Variants in EPB41L2 observed in about 807,000 individuals in gnomAD.
The protein encoded by EPB41L2 is band 4.1-like protein 2.
Under a neutral mutation model 113.0 loss-of-function variants are expected in EPB41L2, and 43 were observed. That is an observed-to-expected ratio of 0.38 (90% CI 0.30 to 0.49). The LOEUF is 0.49. EPB41L2 is among the 20% of genes least tolerant of loss of function. The pLI is 0.95. For missense variants in EPB41L2, 1,147 were observed against 1,223.4 expected, an observed-to-expected ratio of 0.94 and a Z score of 0.93; for synonymous variants, 442 against 436.7, an observed-to-expected ratio of 1.01 and a Z score of -0.15.
intron 3 of EPB41L2, among the ~76,000 whole-genome samples, chr6:130,949,027 A>G (rs975498390): frequency 1.9e-4 from 29 of 152,202 alleles, no homozygotes; most frequent in African/African-American, 6.8e-4. Context: ...TAATTGTCTG[A>G]CCAAGTGGAC....
At chr6:130,954,139 G>A (rs1014266582) in intron 3 of EPB41L2, among the ~76,000 whole-genome samples, 3 of 130,068 alleles carry the variant, frequency 2.3e-5, no homozygotes, top group African/African-American at 8.7e-5. Flanking sequence ...CACAAGCTCC[G>A]CCTCCCGGGT....
At position 131,058,188 on chromosome 6, in the gene EPB41L2, C is replaced by T. The variant is rs115511720; in HGVS notation, c.-15+4967G>A. On this transcript the variant is annotated intron_variant, in intron 1 of 19. Coordinates refer to ENST00000337057, the MANE Select transcript of EPB41L2 (RefSeq NM_001431.4). Reference sequence around the variant, plus strand: ...GATAACTGAGAATATGAAATTAGCTCAATTGCAATCTTTGAAGAAAAAATA... The same window carrying T: ...GATAACTGAGAATATGAAATTAGCTTAATTGCAATCTTTGAAGAAAAAATA... Among the ~76,000 whole-genome samples, 1,014 of 141,614 alleles carry T rather than the reference C, an allele frequency of 7.2e-3. 20 individuals are homozygous for T. Among genetic ancestry groups the T allele is most frequent in the African/African-American group, 0.026 (979 of 37,726 alleles). 92.9% of individuals were successfully genotyped at this position (141,614 alleles called of 152,430 possible).
chr6:130,935,046 G>T (rs921514165), intron 3 of EPB41L2, among the ~76,000 whole-genome samples: 6 of 152,040 alleles, frequency 3.9e-5, no homozygotes, highest in African/African-American at 9.7e-5. Context: ...CATTCCACAG[G>T]ATTCAAAGGA....
chr6:131,035,134 C>A (rs1007489489), intron 1 of EPB41L2, among the ~76,000 whole-genome samples: 4 of 152,188 alleles, frequency 2.6e-5, no homozygotes, highest in Non-Finnish European at 5.9e-5. Flanking sequence ...TTGGCTAAAA[C>A]AACCAATCTT....
intron 3 of EPB41L2, among the ~76,000 whole-genome samples, chr6:130,927,336 T>C (rs1351148431): frequency 1.3e-5 from 2 of 151,986 alleles, no homozygotes; most frequent in African/African-American, 4.8e-5. Flanking sequence ...TTACCTTGAA[T>C]ATATATATAT....
At chr6:130,900,690 G>C (rs569791402) in intron 7 of EPB41L2, among the ~76,000 whole-genome samples, 3 of 152,274 alleles carry the variant, frequency 2.0e-5, no homozygotes, top group East Asian at 3.9e-4. Flanking sequence ...ATGTGTTAGG[G>C]GGATAGGGAG....
chr6:131,022,164 A>G (rs1044963659), intron 1 of EPB41L2, among the ~76,000 whole-genome samples: 1 of 152,122 alleles, frequency 6.6e-6, no homozygotes, highest in Non-Finnish European at 1.5e-5. Flanking sequence ...TTTCATAAGG[A>G]GTACGCAACC....
chr6:130,911,902 T>C (rs1799526220), intron 4 of EPB41L2, among the ~76,000 whole-genome samples: 1 of 130,620 alleles, frequency 7.7e-6, no homozygotes, highest in Non-Finnish European at 1.5e-5. Flanking sequence ...ACAGGGGTCC[T>C]CAACCCCCAT....
In EPB41L2 at chr6:130,990,974, A is replaced by C. The variant is rs991093243; in HGVS notation, c.-14-34475T>G. On this transcript the variant is annotated intron_variant, in intron 1 of 19. Coordinates refer to ENST00000337057, the MANE Select transcript of EPB41L2 (RefSeq NM_001431.4). ...CCCAAGTAGCTGGGACTACAGGCGC[A>C]TGCCACCAAGCCTGGCTAATGTTTT... Among the ~76,000 whole-genome samples, 5 of 151,154 alleles carry C rather than the reference A, an allele frequency of 3.3e-5. No homozygotes were observed. The Admixed American group carries it at 3.3e-4, about 10-fold the overall frequency.
intron 1 of EPB41L2, among the ~76,000 whole-genome samples, chr6:130,982,588 CTT>C (rs1252556858): frequency 6.6e-6 from 1 of 152,168 alleles, no homozygotes; most frequent in African/African-American, 2.4e-5. Flanking sequence ...GACATGAAAA[CTT>C]TGTGTCAAAA....
chr6:130,878,241 T>C lies in EPB41L2; in HGVS notation c.1906A>G (p.Lys636Glu), dbSNP rs1395018795. ...HSNLMLEELD[K>E]AQEDILKHQA... Reference sequence around the variant, plus strand: ...TGTTTCAGTATGTCCTCCTGGGCCTTATCCAGTTCCTAGCAATATGTAACG... The same window carrying C: ...TGTTTCAGTATGTCCTCCTGGGCCTCATCCAGTTCCTAGCAATATGTAACG... The change falls in exon 14 of 20, where the codon AAG becomes GAG. Residue 636 changes from lysine (K) to glutamate (E), a missense_variant. Coordinates refer to ENST00000337057, the MANE Select transcript of EPB41L2 (RefSeq NM_001431.4). 6.2e-7 allele frequency: 1 copy of C among 1,609,674 alleles called. No individual in the cohort carries two copies. Among genetic ancestry groups the C allele is most frequent in the South Asian group, 1.1e-5 (1 of 89,762 alleles).
At chr6:131,063,116 C>G (rs1799057707) in intron 1 of EPB41L2, 39 bp downstream of exon 1, 1 of 152,980 alleles carries the variant, frequency 6.5e-6, no homozygotes, top group Non-Finnish European at 1.5e-5. Flanking sequence ...GTCGCCCGGC[C>G]CGTGCAGCCC....
chr6:130,937,833 A>AAAAAAAAAAAAAAG (rs552248781), intron 3 of EPB41L2, among the ~76,000 whole-genome samples: 13 of 150,374 alleles, frequency 8.6e-5, no homozygotes, highest in African/African-American at 3.3e-4. Flanking sequence ...AAAAAAAAAA[A>AAAAAAAAAAAAAAG]AAGATTAACA....
intron 17 of EPB41L2, among the ~76,000 whole-genome samples, chr6:130,864,885 T>A (rs1385675294): frequency 6.6e-6 from 1 of 152,140 alleles, no homozygotes; most frequent in Non-Finnish European, 1.5e-5. Flanking sequence ...AAGGAAATAG[T>A]GGAAAATAAG....
intron 19 of EPB41L2, among the ~76,000 whole-genome samples, chr6:130,851,556 C>T (rs991380804): frequency 5.3e-5 from 8 of 152,156 alleles, no homozygotes; most frequent in Admixed American, 4.6e-4. Flanking sequence ...CTAATGTTCT[C>T]CCATCTTCTC....
chr6:130,908,278 G>A (rs1246043946), intron 5 of EPB41L2, among the ~76,000 whole-genome samples: 5 of 152,148 alleles, frequency 3.3e-5, no homozygotes, highest in Admixed American at 2.0e-4. Context: ...TACAAGCCCA[G>A]GCTCAAAGAG....
chr6:131,051,782 C>T (rs1473627776), intron 1 of EPB41L2, among the ~76,000 whole-genome samples: 1 of 152,190 alleles, frequency 6.6e-6, no homozygotes, highest in Non-Finnish European at 1.5e-5. Context: ...ATTCTATATA[C>T]AACCAAACTA....
At chr6:131,045,713 T>G (rs1300852537) in intron 1 of EPB41L2, among the ~76,000 whole-genome samples, 1 of 152,218 alleles carries the variant, frequency 6.6e-6, no homozygotes, top group East Asian at 1.9e-4. Flanking sequence ...TAGGAACAGC[T>G]TACTCGGTTT....
intron 9 of EPB41L2, 76 bp from the exon 10 acceptor site, chr6:130,894,517 G>A (rs1793975113): frequency 1.5e-6 from 2 of 1,304,860 alleles, no homozygotes; most frequent in Admixed American, 3.4e-5. Context: ...CATGCATTCA[G>A]ATGTTTCTGT....
Sources: allele counts gnomAD v4.1 joint callset (sites outside exome capture counted in the v4.1 genomes callset), GRCh38; gene constraint gnomAD v4.1.1; transcripts MANE v1.5; gene names NCBI Gene and HGNC (gene_info 2026-07-23, HGNC 2026-07-21).